The following LAMP3 variants were observed in gnomAD, a reference collection of about 807,000 sequenced individuals.
LAMP3 encodes lysosome associated membrane protein 3.
A neutral mutation model predicts 34.8 loss-of-function variants in LAMP3; 26 were observed. The ratio of observed to expected loss-of-function variants is 0.75; its 90% CI spans 0.55 to 1.04. The LOEUF (loss-of-function observed/expected upper bound fraction) is 1.04, where lower values mean the gene tolerates loss of function less well. Ranked by LOEUF, LAMP3 falls within the 50% of genes least tolerant of loss-of-function variation. LAMP3 has a pLI of 0.00. For missense variants in LAMP3, 495 were observed against 524.0 expected (o/e 0.94, Z 0.54); for synonymous variants, 180 against 201.9 (o/e 0.89, Z 0.92).
chr3:183,135,591 G>T, intron 5 of LAMP3, 126 bp downstream of exon 5: 1 of 916,970 alleles, frequency 1.1e-6, no homozygotes, highest in Non-Finnish European at 1.7e-6. Flanking sequence ...GAGCTATGTG[G>T]AATCACACCA....
At chr3:183,127,377 C>T (rs571525404) in intron 5 of LAMP3, among the ~76,000 whole-genome samples, 2 of 152,328 alleles carry the variant, frequency 1.3e-5, no homozygotes, top group East Asian at 3.9e-4. Flanking sequence ...TCAAGTGATC[C>T]TCCAACCTCG....
chr3:183,136,106 T>C (rs1184254084), intron 4 of LAMP3, among the ~76,000 whole-genome samples: 1 of 152,142 alleles, frequency 6.6e-6, no homozygotes, highest in Non-Finnish European at 1.5e-5. Flanking sequence ...TCACATAAAC[T>C]GGAATGCGCA....
intron 3 of LAMP3, among the ~76,000 whole-genome samples, chr3:183,142,255 C>T (rs1267172407): frequency 6.6e-6 from 1 of 152,004 alleles, no homozygotes; most frequent in Non-Finnish European, 1.5e-5. Flanking sequence ...AAAGAGCGTC[C>T]ATCGAAGGGT....
At chr3:183,160,047 A>G (rs1365986323) in intron 1 of LAMP3, among the ~76,000 whole-genome samples, 1 of 152,242 alleles carries the variant, frequency 6.6e-6, no homozygotes, top group Non-Finnish European at 1.5e-5. Context: ...GCACTCCCAC[A>G]CTAGAACTGA....
intron 5 of LAMP3, among the ~76,000 whole-genome samples, chr3:183,126,562 G>GCA (rs1560301784): frequency 7.1e-6 from 1 of 141,502 alleles, no homozygotes; most frequent in Non-Finnish European, 1.6e-5. Flanking sequence ...GTGTGTGTGT[G>GCA]TGCACACGTG....
intron 5 of LAMP3, among the ~76,000 whole-genome samples, chr3:183,125,435 C>T (rs1719758790): frequency 6.6e-6 from 1 of 152,180 alleles, no homozygotes. Context: ...GATTGTAGTA[C>T]ACGATTTGGC....
intron 1 of LAMP3, among the ~76,000 whole-genome samples, chr3:183,154,818 T>C (rs913150724): frequency 1.2e-4 from 18 of 152,206 alleles, no homozygotes; most frequent in Admixed American, 6.5e-5. Context: ...GCAGCATGAA[T>C]GATGGTAATA....
chr3:183,130,086 G>A (rs922368040), intron 5 of LAMP3, among the ~76,000 whole-genome samples: 5 of 150,070 alleles, frequency 3.3e-5, no homozygotes, highest in African/African-American at 1.2e-4. Context: ...ATACATTTCT[G>A]TTATTTAAGG....
At chr3:183,150,305 G>A (rs1383568961) in intron 3 of LAMP3, among the ~76,000 whole-genome samples, 1 of 152,192 alleles carries the variant, frequency 6.6e-6, no homozygotes, top group Admixed American at 6.5e-5. Context: ...AATAGGAAAG[G>A]CAGGGTTGGA....
chr3:183,129,876 G>A (rs1719865813), intron 5 of LAMP3, among the ~76,000 whole-genome samples: 1 of 152,160 alleles, frequency 6.6e-6, no homozygotes, highest in Non-Finnish European at 1.5e-5. Flanking sequence ...AAGTCAGTAA[G>A]TTAAAATGAG....
At chr3:183,152,527 C>A in intron 2 of LAMP3, 24 bp from the exon 3 acceptor site, 1 of 1,587,556 alleles carries the variant, frequency 6.3e-7, no homozygotes, top group Non-Finnish European at 8.6e-7. Flanking sequence ...GATAGATCAG[C>A]TAAATGAGAT....
At chr3:183,133,615 C>T (rs1719992421) in intron 5 of LAMP3, among the ~76,000 whole-genome samples, 1 of 152,178 alleles carries the variant, frequency 6.6e-6, no homozygotes, top group Non-Finnish European at 1.5e-5. Context: ...CTTGGCCTCC[C>T]AAAGTGCTGG....
At chr3:183,138,547 AG>A (rs1474166815) in intron 4 of LAMP3, among the ~76,000 whole-genome samples, 1 of 152,192 alleles carries the variant, frequency 6.6e-6, no homozygotes, top group Non-Finnish European at 1.5e-5. Context: ...TTAACTTTCC[AG>A]GGAAACATTT....
chr3:183,162,813 C>T (rs1721018911), upstream of LAMP3: 2 of 654,626 alleles, frequency 3.1e-6, no homozygotes, highest in Admixed American at 7.0e-5. Flanking sequence ...AGGGAAACTC[C>T]GCCGGCCCCC....
chr3:183,140,790 C>G (rs993137737), intron 3 of LAMP3, among the ~76,000 whole-genome samples, 195 bp from the exon 4 acceptor site: 2 of 152,082 alleles, frequency 1.3e-5, no homozygotes, highest in African/African-American at 4.8e-5. Context: ...TAATAACTAA[C>G]AGTTTTCCCC....
At chr3:183,153,565 C>G (rs1168501535) in intron 2 of LAMP3, 117 bp downstream of exon 2, 4 of 645,866 alleles carry the variant, frequency 6.2e-6, no homozygotes, top group Non-Finnish European at 7.8e-6. Context: ...GAGAGATGAG[C>G]TCACAGCTAT....
intron 2 of LAMP3, among the ~76,000 whole-genome samples, chr3:183,152,977 C>A (rs553968695): frequency 6.6e-6 from 1 of 152,040 alleles, no homozygotes; most frequent in African/African-American, 2.4e-5. Context: ...GAGTTCGAGA[C>A]CAGCCTGGCC....
chr3:183,139,483 G>A (rs765168523), intron 4 of LAMP3, among the ~76,000 whole-genome samples: 3 of 151,962 alleles, frequency 2.0e-5, no homozygotes, highest in Non-Finnish European at 4.4e-5. Context: ...CAGTGTACCA[G>A]TGTATGCCTG....
intron 3 of LAMP3, among the ~76,000 whole-genome samples, chr3:183,145,532 G>T (rs1040203555): frequency 1.3e-5 from 2 of 152,142 alleles, no homozygotes. Flanking sequence ...TCTTTATGTT[G>T]TTGTCATTGG....
Sources: allele counts gnomAD v4.1 joint callset (sites outside exome capture counted in the v4.1 genomes callset), GRCh38; gene constraint gnomAD v4.1.1; transcripts MANE v1.5; gene names NCBI Gene and HGNC (gene_info 2026-07-23, HGNC 2026-07-21).